The following NLRP3 variants were observed in gnomAD, a reference collection of about 807,000 sequenced individuals.
NLRP3 encodes the protein NLR family pyrin domain containing 3.
NLRP3 carries 48 observed loss-of-function variants against 91.3 expected under a neutral mutation model. The ratio of observed to expected loss-of-function variants is 0.53; its 90% CI spans 0.42 to 0.67. The LOEUF is 0.67. NLRP3 is among the 30% of genes least tolerant of loss of function. The pLI, the probability that NLRP3 is intolerant of heterozygous loss-of-function variation, is 0.00. For missense variants in NLRP3, 982 were observed against 1,276.9 expected, an observed-to-expected ratio of 0.77 and a Z score of 3.52; for synonymous variants, 561 against 507.9, an observed-to-expected ratio of 1.10 and a Z score of -1.41.
chr1:247,430,973 T>G (rs2103139840), intron 5 of NLRP3, among the ~76,000 whole-genome samples: 1 of 152,014 alleles, frequency 6.6e-6, no homozygotes, highest in South Asian at 2.1e-4. Flanking sequence ...CTCATCACGT[T>G]GCCCAGCCTG....
chr1:247,430,774 T>A (rs1202674077), intron 5 of NLRP3, among the ~76,000 whole-genome samples: 1 of 88,984 alleles, frequency 1.1e-5, no homozygotes, highest in African/African-American at 4.0e-5. Context: ...ATGAAAATAC[T>A]TTTTTTTTTT....
chr1:247,437,285 A>T (rs1486537601), intron 7 of NLRP3, among the ~76,000 whole-genome samples: 1 of 152,208 alleles, frequency 6.6e-6, no homozygotes, highest in Non-Finnish European at 1.5e-5. Flanking sequence ...ATAGGTCTTC[A>T]TTCATTCACA....
intron 2 of NLRP3, among the ~76,000 whole-genome samples, chr1:247,422,347 C>G (rs1362999693): frequency 6.7e-6 from 1 of 149,712 alleles, no homozygotes; most frequent in Non-Finnish European, 1.5e-5. Context: ...TCATTGCACT[C>G]CAGCCTGGGC....
intron 7 of NLRP3, among the ~76,000 whole-genome samples, chr1:247,439,930 G>A (rs1225156573): frequency 6.6e-6 from 1 of 152,214 alleles, no homozygotes; most frequent in African/African-American, 2.4e-5. Context: ...TTATGCATGT[G>A]TATTTGCTTT....
At chr1:247,441,803 C>T (rs1433752897) in intron 7 of NLRP3, among the ~76,000 whole-genome samples, 2 of 152,174 alleles carry the variant, frequency 1.3e-5, no homozygotes, top group African/African-American at 2.4e-5. Flanking sequence ...TTGGATATGA[C>T]GTTTTCTTAA....
intron 6 of NLRP3, among the ~76,000 whole-genome samples, chr1:247,435,488 T>C (rs1177003895): frequency 6.6e-6 from 1 of 152,206 alleles, no homozygotes; most frequent in African/African-American, 2.4e-5. Flanking sequence ...ATACTCTGAT[T>C]GTCCTTATAG....
chr1:247,436,692 G>A (rs1388818075), intron 7 of NLRP3, among the ~76,000 whole-genome samples: 5 of 152,172 alleles, frequency 3.3e-5, no homozygotes, highest in African/African-American at 4.8e-5. Context: ...GATGCATGGT[G>A]GATGTTTTAC....
rs201118732 is a variant in NLRP3 at position 247,418,675 on chromosome 1, G to A, written c.-126G>A. ...ACATTTTTTTCTTTCTGTTTGCTGAGTTTTTGATAATTTATATCTCTCAAA... is the reference window on the plus strand; with the variant it reads ...ACATTTTTTTCTTTCTGTTTGCTGAATTTTTGATAATTTATATCTCTCAAA... On this transcript the variant is annotated 5_prime_UTR_variant, in exon 2 of 10. Coordinates refer to ENST00000336119, the MANE Select transcript of NLRP3 (RefSeq NM_001243133.2). The A allele has an allele frequency of 2.5e-6, 3 of 1,211,072 alleles. No homozygotes were observed. The highest frequency in any genetic ancestry group is 3.6e-6 in the Non-Finnish European group (3 of 844,486). The allele number at this position is 1,211,072 out of a possible 1,614,324, so 75.0% of individuals were successfully genotyped here.
intron 3 of NLRP3, among the ~76,000 whole-genome samples, 162 bp from the exon 4 acceptor site, chr1:247,423,685 A>T (rs1420909333): frequency 6.6e-6 from 1 of 151,964 alleles, no homozygotes; most frequent in Non-Finnish European, 1.5e-5. Flanking sequence ...TAAAAACTTG[A>T]CACCAGAGAT....
chr1:247,444,223 A>G (rs894478799), intron 8 of NLRP3, 81 bp downstream of exon 8: 74 of 1,378,772 alleles, frequency 5.4e-5, no homozygotes, highest in Non-Finnish European at 7.1e-5. Flanking sequence ...TGGCCACAAG[A>G]TAATCTGTAT....
intron 7 of NLRP3, among the ~76,000 whole-genome samples, chr1:247,437,676 C>T (rs973888775): frequency 6.6e-6 from 1 of 152,202 alleles, no homozygotes; most frequent in Admixed American, 6.5e-5. Flanking sequence ...TAAAACAGAC[C>T]AAAATCCTGT....
chr1:247,418,309 T>A lies in NLRP3; in HGVS notation c.-492T>A, dbSNP rs1457519625. On this transcript the variant is annotated 5_prime_UTR_variant, in exon 2 of 10. Transcript: ENST00000336119. ...CTTTCTGGTAAGCATTTGGCTAACT[T>A]TTTTTTTTTTGAGATGGAGTCTTGC... 1 of 188,790 alleles carries A rather than the reference T, an allele frequency of 5.3e-6. No homozygotes were observed. The highest frequency in any genetic ancestry group is 1.1e-5 in the Non-Finnish European group (1 of 90,970). The allele number at this position is 188,790 out of a possible 1,614,324, so 11.7% of individuals were successfully genotyped here. A position where few individuals can be genotyped will look rare whatever the true frequency, so the allele number is the denominator to read the frequency against.
intron 8 of NLRP3, 136 bp from the exon 9 acceptor site, chr1:247,444,515 C>T (rs981996848): frequency 1.1e-6 from 1 of 871,542 alleles, no homozygotes; most frequent in African/African-American, 1.7e-5. Context: ...TACAAGGCTG[C>T]TTGAAGCTAG....
At chr1:247,445,302 G>A (rs886543734) in intron 9 of NLRP3, among the ~76,000 whole-genome samples, 3 of 152,026 alleles carry the variant, frequency 2.0e-5, no homozygotes, top group Non-Finnish European at 4.4e-5. Flanking sequence ...CCGGGTTCAC[G>A]CCATTCTCCT....
chr1:247,439,366 C>T (rs1306409880), intron 7 of NLRP3, among the ~76,000 whole-genome samples: 1 of 152,138 alleles, frequency 6.6e-6, no homozygotes, highest in East Asian at 1.9e-4. Flanking sequence ...CTTCTGAGGG[C>T]TGTGGGGAAT....
chr1:247,440,066 G>A (rs921740792), intron 7 of NLRP3, among the ~76,000 whole-genome samples: 6 of 152,088 alleles, frequency 3.9e-5, no homozygotes, highest in Non-Finnish European at 8.8e-5. Context: ...TGTGTGTTAG[G>A]TATAGCCTAT....
At chr1:247,437,829 G>A (rs1420431322) in intron 7 of NLRP3, among the ~76,000 whole-genome samples, 1 of 152,218 alleles carries the variant, frequency 6.6e-6, no homozygotes, top group Non-Finnish European at 1.5e-5. Flanking sequence ...CTCTCCGAGC[G>A]GGTGACATTG....
chr1:247,440,222 G>A (rs996055887), intron 7 of NLRP3, among the ~76,000 whole-genome samples: 22 of 152,176 alleles, frequency 1.4e-4, no homozygotes, highest in Non-Finnish European at 3.2e-4. Context: ...ACTGCTCAAG[G>A]GTCACACATG....
Position 247,423,868 on chromosome 1 carries a change from A to C in NLRP3, c.419A>C (p.Lys140Thr). Reference protein sequence around the residue: ...MKKDYRKKYRKYVRSRFQCIE... With the variant: ...MKKDYRKKYRTYVRSRFQCIE... ...GTAGATTACCGTAAGAAGTACAGAA[A>C]GTACGTGAGAAGCAGATTCCAGTGC... The change falls in exon 4 of 10, where the codon AAG becomes ACG. Residue 140 changes from lysine to threonine, a missense_variant. Coordinates refer to ENST00000336119, the MANE Select transcript of NLRP3 (RefSeq NM_001243133.2). The C allele has an allele frequency of 6.2e-7, 1 of 1,614,028 alleles. No homozygotes were observed. The highest frequency in any genetic ancestry group is 1.1e-5 in the South Asian group (1 of 91,038).
Sources: gnomAD v4.1 joint callset for allele counts (sites outside exome capture counted in the v4.1 genomes callset) on GRCh38, gnomAD v4.1.1 for gene constraint, MANE v1.5 for transcripts, NCBI Gene and HGNC (gene_info 2026-07-23, HGNC 2026-07-21) for gene names.